Variants in SSBP2 observed in about 807,000 individuals in gnomAD.
The protein encoded by SSBP2 is single-stranded DNA-binding protein 2.
SSBP2 carries 17 observed loss-of-function variants against 61.8 expected under a neutral mutation model. That is an observed-to-expected ratio of 0.28 (90% CI 0.19 to 0.41). The LOEUF (loss-of-function observed/expected upper bound fraction) is 0.41. Ranked by LOEUF, SSBP2 falls within the 10% of genes least tolerant of loss-of-function variation. The pLI is 1.00. For synonymous variants in SSBP2, 139 were observed against 141.3 expected (o/e 0.98, Z 0.12); for missense variants, 310 against 458.7 (o/e 0.68, Z 2.96).
At chr5:81,539,974 T>C (rs56005129) in intron 4 of SSBP2, among the ~76,000 whole-genome samples, 51,331 of 151,950 alleles carry the variant, frequency 0.34, 9,115 homozygotes, top group African/African-American at 0.45. Flanking sequence ...CTCTCACTTA[T>C]GAGTGAGAAC....
At chr5:81,436,576 C>T (rs936906271) in intron 15 of SSBP2, among the ~76,000 whole-genome samples, 3 of 151,828 alleles carry the variant, frequency 2.0e-5, no homozygotes, top group Non-Finnish European at 4.4e-5. Context: ...TTTTTCTTGG[C>T]AGCAGGAATT....
intron 3 of SSBP2, among the ~76,000 whole-genome samples, chr5:81,632,089 T>A (rs1474511323): frequency 1.3e-5 from 2 of 151,964 alleles, no homozygotes; most frequent in East Asian, 1.9e-4. Flanking sequence ...AAACAAATTA[T>A]TTTTTTTCTC....
intron 8 of SSBP2, among the ~76,000 whole-genome samples, chr5:81,467,876 C>T (rs979644297): frequency 1.4e-4 from 21 of 151,854 alleles, no homozygotes; most frequent in Non-Finnish European, 2.9e-4. Context: ...TGCTTTTCTC[C>T]AAGTTCTAGC....
intron 4 of SSBP2, among the ~76,000 whole-genome samples, chr5:81,581,981 T>C (rs1478091074): frequency 3.3e-5 from 5 of 152,296 alleles, no homozygotes; most frequent in African/African-American, 2.4e-5. Context: ...AGTAATCAAA[T>C]TGTAACTCAG....
chr5:81,671,274 T>C (rs1452006695), intron 1 of SSBP2, among the ~76,000 whole-genome samples: 1 of 152,120 alleles, frequency 6.6e-6, no homozygotes, highest in Non-Finnish European at 1.5e-5. Flanking sequence ...ATAATCAGAA[T>C]CACAGGGTAT....
intron 8 of SSBP2, among the ~76,000 whole-genome samples, chr5:81,469,648 C>A (rs908301802): frequency 2.6e-5 from 4 of 151,964 alleles, no homozygotes; most frequent in African/African-American, 9.7e-5. Flanking sequence ...TGGTGCCTGG[C>A]ACACAGTAGG....
chr5:81,573,151 G>A (rs773962852), intron 4 of SSBP2, among the ~76,000 whole-genome samples: 13 of 152,108 alleles, frequency 8.5e-5, no homozygotes, highest in Non-Finnish European at 1.8e-4. Context: ...TGTTGGTTTA[G>A]ACAGTTTTGC....
Position 81,593,309 on chromosome 5 carries a change from C to T in SSBP2, c.282+22164G>A, listed in dbSNP as rs190548131. On this transcript the variant is annotated intron_variant, in intron 4 of 16. Transcript: ENST00000320672. ...TTAGAGAAAAAAGAATAAAAAGAACCGAACAAAGCCTCCAAGAAATATGGG... is the reference window on the plus strand; with the variant it reads ...TTAGAGAAAAAAGAATAAAAAGAACTGAACAAAGCCTCCAAGAAATATGGG... Among the ~76,000 whole-genome samples the T allele has an allele frequency of 4.2e-3, 645 of 152,058 alleles. 2 individuals are homozygous for T. Among genetic ancestry groups the T allele is most frequent in the African/African-American group, 0.012 (497 of 41,474 alleles).
At chr5:81,722,741 C>T (rs190356460) in intron 1 of SSBP2, among the ~76,000 whole-genome samples, 7 of 152,048 alleles carry the variant, frequency 4.6e-5, no homozygotes, top group East Asian at 1.9e-4. Context: ...AATGAAGGGC[C>T]TGGCATAATG....
intron 15 of SSBP2, among the ~76,000 whole-genome samples, chr5:81,429,842 AT>A (rs1762177969): frequency 6.6e-6 from 1 of 152,200 alleles, no homozygotes; most frequent in African/African-American, 2.4e-5. Context: ...GCTGGTAGAA[AT>A]ACACTGTGTC....
chr5:81,675,476 G>A (rs1427966389), intron 1 of SSBP2, among the ~76,000 whole-genome samples: 1 of 152,070 alleles, frequency 6.6e-6, no homozygotes, highest in African/African-American at 2.4e-5. Context: ...ACCATTTTAG[G>A]GATGCCAAAA....
At chr5:81,592,018 A>C (rs1775548000) in intron 4 of SSBP2, among the ~76,000 whole-genome samples, 1 of 152,226 alleles carries the variant, frequency 6.6e-6, no homozygotes, top group South Asian at 2.1e-4. Context: ...ACTGTGCGCA[A>C]GCCGAAGCAG....
chr5:81,423,854 A>G (rs148168895), intron 16 of SSBP2, among the ~76,000 whole-genome samples: 17 of 152,328 alleles, frequency 1.1e-4, no homozygotes, highest in Non-Finnish European at 2.1e-4. Context: ...GAGTATGTAT[A>G]TATGTCAAGC....
At chr5:81,514,932 C>G (rs996365599) in intron 4 of SSBP2, among the ~76,000 whole-genome samples, 1 of 151,822 alleles carries the variant, frequency 6.6e-6, no homozygotes, top group African/African-American at 2.4e-5. Context: ...TCTGATAAGG[C>G]ATATGAATAT....
At chr5:81,686,847 T>C (rs1308239688) in intron 1 of SSBP2, among the ~76,000 whole-genome samples, 2 of 99,876 alleles carry the variant, frequency 2.0e-5, no homozygotes, top group African/African-American at 8.4e-5. Context: ...AGAGCGAGAC[T>C]TCATCTCAAA....
At chr5:81,635,579 AATT>A (rs1202328650) in intron 3 of SSBP2, among the ~76,000 whole-genome samples, 12 of 142,934 alleles carry the variant, frequency 8.4e-5, no homozygotes, top group African/African-American at 3.3e-4. Context: ...TGTAGAAAGC[AATT>A]TTTTTTTTTT....
intron 4 of SSBP2, among the ~76,000 whole-genome samples, chr5:81,530,260 A>G (rs1224253481): frequency 6.6e-6 from 1 of 152,116 alleles, no homozygotes; most frequent in African/African-American, 2.4e-5. Flanking sequence ...TGAAGCAATT[A>G]GAACAATGTC....
At chr5:81,486,904 G>A (rs1307491120) in intron 6 of SSBP2, among the ~76,000 whole-genome samples, 2 of 152,160 alleles carry the variant, frequency 1.3e-5, no homozygotes, top group African/African-American at 2.4e-5. Context: ...CTCCCCTGGG[G>A]GTGAATCTGA....
rs191002041 is a variant in SSBP2 at position 81,540,462 on chromosome 5, G to A, written c.283-26745C>T. ...AACTGGCATGAGATGGTATCTCACT[G>A]TGGTTTTGATTTGCATTTCTCTGAT... On this transcript the variant is annotated intron_variant, in intron 4 of 16. Transcript: ENST00000320672. 4.0e-3 allele frequency among the ~76,000 whole-genome samples: 606 copies of A among 152,268 alleles called. 2 individuals are homozygous for A. Among genetic ancestry groups the A allele is most frequent in the African/African-American group, 0.014 (574 of 41,538 alleles).
Sources: allele counts gnomAD v4.1 joint callset (sites outside exome capture counted in the v4.1 genomes callset), GRCh38; gene constraint gnomAD v4.1.1; transcripts MANE v1.5; gene names NCBI Gene and HGNC (gene_info 2026-07-23, HGNC 2026-07-21).